CRLF2: variants seen among roughly 807,000 people sequenced by gnomAD.
CRLF2 encodes cytokine receptor like factor 2, also known as cytokine receptor-like factor 2.
CRLF2 carries 41 observed loss-of-function variants against 38.7 expected under a neutral mutation model. The observed-to-expected ratio is 1.06, with a 90% CI of 0.83 to 1.37. CRLF2 has a LOEUF of 1.37. CRLF2 is among the 40% of genes most tolerant of loss of function. CRLF2 has a pLI of 0.00. For synonymous variants in CRLF2, 140 were observed against 128.8 expected, an observed-to-expected ratio of 1.09 and a Z score of -0.59; for missense variants, 377 against 322.2, an observed-to-expected ratio of 1.17 and a Z score of -1.30.
In CRLF2 at chrX:1,208,841, G is replaced by C; in HGVS notation, c.147C>G (p.Ser49Arg). ...LETVQVTWNA[S>R]KYSRTNLTFH... The stretch of plus-strand genomic sequence containing the variant: ...AAGTCAGGTTGGTCCTGGAGTATTT[G>C]CTGGCATTCCATGTCACCTGCACGG... The change falls in exon 2 of 8, where the codon AGC (serine) becomes AGG (arginine). Residue 49 changes from serine (S) to arginine (R), a missense_variant. By Grantham distance (110) the Ser-to-Arg change is moderately radical. Transcript: ENST00000400841. The C allele has an allele frequency of 1.9e-6, 3 of 1,612,396 alleles. No homozygotes were observed. The highest frequency in any genetic ancestry group is 8.5e-7 in the Non-Finnish European group (1 of 1,178,438).
At chrX:1,192,289 T>G (rs1196726589) in intron 7 of CRLF2, among the ~76,000 whole-genome samples, 2 of 151,120 alleles carry the variant, frequency 1.3e-5, no homozygotes, top group South Asian at 2.1e-4. Context: ...CCCTCTTCCC[T>G]TTGAAATTCT....
intron 6 of CRLF2, among the ~76,000 whole-genome samples, chrX:1,196,441 A>C (rs1454547989): frequency 6.6e-6 from 1 of 151,898 alleles, no homozygotes; most frequent in Non-Finnish European, 1.5e-5. Context: ...CTGCCTTGGC[A>C]TCACAAAATA....
chrX:1,211,921 ATGGATGGG>A lies in CRLF2; in HGVS notation c.79+627_79+634del, dbSNP rs1353264882. 6.3e-4 allele frequency among the ~76,000 whole-genome samples: 83 copies of A among 131,922 alleles called. 1 individual carries two copies. Among genetic ancestry groups the A allele is most frequent in the Middle Eastern group, 3.7e-3 (1 of 272 alleles). 86.5% of individuals were successfully genotyped at this position (131,922 alleles called of 152,430 possible). A position where few individuals can be genotyped will look rare whatever the true frequency, so the allele number is the denominator to read the frequency against. Reference sequence around the variant, plus strand: ...GATGGATGGATGGATGTATTGGTGGATGGATGGGTGGATGGGTGGATGGATGGATGGAT... The same window carrying A: ...GATGGATGGATGGATGTATTGGTGGATGGATGGGTGGATGGATGGATGGAT... On this transcript the variant is annotated intron_variant, in intron 1 of 7. Coordinates refer to ENST00000400841, the MANE Select transcript of CRLF2 (RefSeq NM_022148.4).
chrX:1,198,543 G>C lies in CRLF2; in HGVS notation c.646+19C>G. The C allele has an allele frequency of 6.2e-7, 1 of 1,613,096 alleles. No individual in the cohort carries two copies. Among genetic ancestry groups the C allele is most frequent in the Non-Finnish European group, 8.5e-7 (1 of 1,179,308 alleles). On this transcript the variant is annotated intron_variant, in intron 5 of 7. Transcript: ENST00000400841. The stretch of plus-strand genomic sequence containing the variant: ...CCTGGTGACAAGGCTATGGGACACT[G>C]CCGCGTAACAAGCATTACCCCGAAT...
chrX:1,210,566 T>A (rs2086779750), intron 1 of CRLF2, among the ~76,000 whole-genome samples: 1 of 152,058 alleles, frequency 6.6e-6, no homozygotes. Context: ...CACCTCGGCC[T>A]CCCAAAGTGC....
intron 1 of CRLF2, among the ~76,000 whole-genome samples, chrX:1,209,668 A>G (rs1241509180): frequency 2.0e-5 from 3 of 152,138 alleles, no homozygotes; most frequent in Admixed American, 2.0e-4. Flanking sequence ...AAGTTCACCC[A>G]CTAGTGCCAT....
At chrX:1,193,469 G>C (rs1199161524) in intron 6 of CRLF2, among the ~76,000 whole-genome samples, 167 bp from the exon 7 acceptor site, 95 of 152,130 alleles carry the variant, frequency 6.2e-4, no homozygotes, top group Non-Finnish European at 1.1e-3. Flanking sequence ...CCCTGCCTCT[G>C]GGGTCCTCAT....
At chrX:1,191,342 T>TTTCTTTCTTTCTTTCTTTCTTTCC (rs2086374703) in intron 7 of CRLF2, among the ~76,000 whole-genome samples, 182 bp from the exon 8 acceptor site, 1 of 100,768 alleles carries the variant, frequency 9.9e-6, no homozygotes, top group South Asian at 3.5e-4. Context: ...TCTTTCTTTC[T>TTTCTTTCTTTCTTTCTTTCTTTCC]TTCCTTCTTT....
At chrX:1,205,145 A>G (rs2086670078) in intron 3 of CRLF2, among the ~76,000 whole-genome samples, 1 of 151,224 alleles carries the variant, frequency 6.6e-6, no homozygotes, top group Non-Finnish European at 1.5e-5. Context: ...ATTCCCTTAA[A>G]TCACAGTCTC....
rs2086696051 is a variant in CRLF2, at chrX:1,206,604, G to C, written c.183-5C>G. ...TAGGCCTCATCACCGTTGAATCTGT[G>C]GTTTAAAACGATGACCATTCAGCAA... On this transcript the variant is annotated splice_polypyrimidine_tract_variant and splice_region_variant and intron_variant, in intron 2 of 7. Transcript: ENST00000400841. 6.2e-7 allele frequency: 1 copy of C among 1,611,794 alleles called. No homozygotes were observed. The highest frequency in any genetic ancestry group is 1.3e-5 in the African/African-American group (1 of 74,854).
intron 2 of CRLF2, among the ~76,000 whole-genome samples, 197 bp from the exon 3 acceptor site, chrX:1,206,796 C>A (rs1482450186): frequency 6.6e-6 from 1 of 151,626 alleles, no homozygotes; most frequent in African/African-American, 2.4e-5. Flanking sequence ...GCACCTGCCA[C>A]CATATACAGC....
At chrX:1,211,332 T>G (rs1447332090) in intron 1 of CRLF2, among the ~76,000 whole-genome samples, 8 of 67,268 alleles carry the variant, frequency 1.2e-4, no homozygotes, top group Admixed American at 3.4e-4. Context: ...TAGATGGATG[T>G]ATTGGTGGGT....
chrX:1,198,450 C>T, intron 5 of CRLF2, 112 bp downstream of exon 5: 1 of 917,982 alleles, frequency 1.1e-6, no homozygotes, highest in Non-Finnish European at 1.8e-6. Context: ...GACACCCTCC[C>T]TCCCACCTCG....
In CRLF2 at chrX:1,205,222, A is replaced by G. The variant is rs186103456; in HGVS notation, c.349+1211T>C. 3.3e-4 allele frequency among the ~76,000 whole-genome samples: 50 copies of G among 152,284 alleles called. 1 individual carries two copies. The highest frequency in any genetic ancestry group is 1.2e-3 in the South Asian group (6 of 4,828). ...CCAACCAGTGTGCGTGTAAGAGGGA[A>G]CTTCCTGGAAGGCCGGTTTCTTCCC... On this transcript the variant is annotated intron_variant, in intron 3 of 7. Coordinates refer to ENST00000400841, the MANE Select transcript of CRLF2 (RefSeq NM_022148.4).
chrX:1,196,561 T>C (rs1272190736), intron 6 of CRLF2, among the ~76,000 whole-genome samples: 1 of 151,902 alleles, frequency 6.6e-6, no homozygotes, highest in Admixed American at 6.6e-5. Flanking sequence ...GACCTCGTGA[T>C]CTGCCTGCCT....
intron 7 of CRLF2, among the ~76,000 whole-genome samples, chrX:1,192,055 A>G (rs2147818024): frequency 6.7e-6 from 1 of 148,420 alleles, no homozygotes; most frequent in South Asian, 2.3e-4. Context: ...AATACAAAAA[A>G]TCAGCCGGGT....
chrX:1,209,598 T>G (rs755495334), intron 1 of CRLF2, among the ~76,000 whole-genome samples: 1 of 152,066 alleles, frequency 6.6e-6, no homozygotes, highest in African/African-American at 2.4e-5. Flanking sequence ...CCTAAAGTGC[T>G]GAGATTGCAG....
At chrX:1,211,783 GGATGTATT>G (rs763021178) in intron 1 of CRLF2, among the ~76,000 whole-genome samples, 1,077 of 72,884 alleles carry the variant, frequency 0.015, 11 homozygotes, top group African/African-American at 0.018. Context: ...ATGGATAGAT[GGATGTATT>G]GGTGGATGGA....
At chrX:1,191,756 C>G (rs2086384815) in intron 7 of CRLF2, among the ~76,000 whole-genome samples, 1 of 151,326 alleles carries the variant, frequency 6.6e-6, no homozygotes, top group Admixed American at 6.6e-5. Flanking sequence ...GACTCGAACT[C>G]CCGACCTCAG....
Sources: allele counts gnomAD v4.1 joint callset (sites outside exome capture counted in the v4.1 genomes callset), GRCh38; gene constraint gnomAD v4.1.1; transcripts MANE v1.5; gene names NCBI Gene and HGNC (gene_info 2026-07-23, HGNC 2026-07-21).